KMT2A: variants seen among roughly 807,000 people sequenced by gnomAD.
The protein encoded by KMT2A is histone-lysine N-methyltransferase 2A.
KMT2A carries 16 observed loss-of-function variants against 345.3 expected under a neutral mutation model. That is an observed-to-expected ratio of 0.05 (90% CI 0.03 to 0.07). The LOEUF (loss-of-function observed/expected upper bound fraction) is 0.07, where lower values mean the gene tolerates loss of function less well. Ranked by LOEUF, KMT2A falls within the 10% of genes least tolerant of loss-of-function variation. The probability of loss-of-function intolerance (pLI) is 1.00; values close to 1 mark genes in which losing one functional copy is unlikely to be tolerated. For missense variants in KMT2A, 3,272 were observed against 4,841.6 expected, an observed-to-expected ratio of 0.68 and a Z score of 9.62; for synonymous variants, 1,599 against 1,778.6, an observed-to-expected ratio of 0.90 and a Z score of 2.54.
Position 118,474,044 on chromosome 11 carries a change from T to C in KMT2A, c.2885T>C (p.Ile962Thr), listed in dbSNP as rs541009116. 2.5e-6 allele frequency: 4 copies of C among 1,613,606 alleles called. No homozygotes were observed. The highest frequency in any genetic ancestry group is 2.2e-5 in the East Asian group (1 of 44,898). The part of the protein sequence containing the change: ...DTTAVKTKIL[I>T]KKGRGNLEKT... The stretch of plus-strand genomic sequence containing the variant: ...ACAGCTGTCAAAACCAAAATACTTA[T>C]AAAGAAAGGGAGAGGAAATCTGGAA... The change falls in exon 3 of 36, where the codon ATA (isoleucine) becomes ACA (threonine). Residue 962 changes from isoleucine (I) to threonine (T), a missense_variant. Physicochemically the swap from Ile to Thr is moderately conservative, Grantham distance 89 (BLOSUM62 -1). This residue lies in a region of KMT2A where 209 missense variants were observed against 237.4 expected (regional missense o/e 0.88). Transcript: ENST00000534358.
chr11:118,507,158 T>C (rs555520003), intron 27 of KMT2A, among the ~76,000 whole-genome samples: 2 of 152,250 alleles, frequency 1.3e-5, no homozygotes, highest in Non-Finnish European at 2.9e-5. Context: ...AACAGCTGGG[T>C]GTGGTGTTGC....
chr11:118,442,902 A>G (rs368245102), intron 1 of KMT2A, among the ~76,000 whole-genome samples: 1 of 152,212 alleles, frequency 6.6e-6, no homozygotes, highest in Admixed American at 6.5e-5. Context: ...TTTTATTAAG[A>G]AAAAGGAATC....
chr11:118,519,731 G>A lies in KMT2A; in HGVS notation c.11260G>A (p.Glu3754Lys), dbSNP rs1555052860. 1.2e-6 allele frequency: 2 copies of A among 1,614,050 alleles called. No homozygotes were observed. The highest frequency in any genetic ancestry group is 1.7e-5 in the Admixed American group (1 of 59,998). Reference sequence around the variant, plus strand: ...TTACAAATTCCGTTTCCACAAGCCAGAGGAGGCCAATGAACCCCCCTTGAA... The same window carrying A: ...TTACAAATTCCGTTTCCACAAGCCAAAGGAGGCCAATGAACCCCCCTTGAA... ...RNYKFRFHKP[E>K]EANEPPLNPH... Residue 3754 changes from glutamate to lysine, a missense_variant, in exon 32 of 36, where the codon GAG becomes AAG. By Grantham distance (56) the Glu-to-Lys change is moderately conservative. This residue lies in a region of KMT2A where 72 missense variants were observed against 135.6 expected (regional missense o/e 0.53). Coordinates refer to ENST00000534358, the MANE Select transcript of KMT2A (RefSeq NM_001197104.2).
At chr11:118,474,730 T>A (rs933624773) in intron 3 of KMT2A, among the ~76,000 whole-genome samples, 1 of 152,188 alleles carries the variant, frequency 6.6e-6, no homozygotes, top group Non-Finnish European at 1.5e-5. Flanking sequence ...AGTCAAATTG[T>A]TTTACTATCC....
chr11:118,444,665 C>T (rs186178636), intron 1 of KMT2A, among the ~76,000 whole-genome samples: 1 of 152,268 alleles, frequency 6.6e-6, no homozygotes, highest in Non-Finnish European at 1.5e-5. Flanking sequence ...CCTCAACCTC[C>T]AGGGCTCAAG....
chr11:118,490,331 A>G lies in KMT2A; in HGVS notation c.4696+82A>G. The G allele has an allele frequency of 7.2e-7, 1 of 1,387,518 alleles. No individual in the cohort carries two copies. The highest frequency in any genetic ancestry group is 9.6e-7 in the Non-Finnish European group (1 of 1,047,042). The allele number at this position is 1,387,518 out of a possible 1,614,324, so 86.0% of individuals were successfully genotyped here. On this transcript the variant is annotated intron_variant, in intron 13 of 35. Transcript: ENST00000534358. This position sits in a 1 kb window ranked among gnomAD's most constrained non-coding sequence, Gnocchi z 4.2. ...GTGAACTAGACTCTAGTGAAATGAA[A>G]TAAAAAGTCTCACACATTATGTCAA...
Position 118,504,354 on chromosome 11 carries a change from A to G in KMT2A, c.8462A>G (p.Lys2821Arg). The change falls in exon 27 of 36, where the codon AAA becomes AGA. Residue 2821 changes from lysine to arginine, a missense_variant. By Grantham distance (26) the Lys-to-Arg change is conservative. Transcript: ENST00000534358. This position sits in a 1 kb window ranked among gnomAD's most constrained non-coding sequence, Gnocchi z 6.4. ...RRVHTSTPSD[K>R]NLLDTYNTEL... ...GTCCACACAAGTACCCCCTCCGACA[A>G]AAATTTACTGGACACCTATAATACT... 6.2e-7 allele frequency: 1 copy of G among 1,614,208 alleles called. No individual in the cohort carries two copies. The highest frequency in any genetic ancestry group is 2.2e-5 in the East Asian group (1 of 44,880).
rs1555027539 is a variant in KMT2A, at chr11:118,447,637, A to G, written c.432+10693A>G. The G allele has an allele frequency of 6.6e-6, 3 of 453,104 alleles. No individual in the cohort carries two copies. In the East Asian group the frequency reaches 2.1e-4, roughly 32 times the overall value. 28.1% of individuals were successfully genotyped at this position (453,104 alleles called of 1,614,324 possible). A position where few individuals can be genotyped will look rare whatever the true frequency, so the allele number is the denominator to read the frequency against. On this transcript the variant is annotated intron_variant, in intron 1 of 35. Transcript: ENST00000534358. ...TTTCCATTTCTAGGTTCCTCAACTT[A>G]AAAGGGATGAGGAGACCTTGGAGAC... is the stretch of plus-strand genomic sequence containing the variant.
chr11:118,497,103 C>T lies in KMT2A; in HGVS notation c.5664+736C>T, dbSNP rs1425286496. Reference sequence around the variant, plus strand: ...CACTACAACCTCCGCCTCCTATGTTCAAGCAATTCTCCTGCCTCAGCCTCC... The same window carrying T: ...CACTACAACCTCCGCCTCCTATGTTTAAGCAATTCTCCTGCCTCAGCCTCC... On this transcript the variant is annotated intron_variant, in intron 20 of 35. Coordinates refer to ENST00000534358, the MANE Select transcript of KMT2A (RefSeq NM_001197104.2). The surrounding 1 kb of genome is among the most constrained non-coding windows in gnomAD (Gnocchi z 4.8). Among the ~76,000 whole-genome samples, 1 of 152,072 alleles carries T rather than the reference C, an allele frequency of 6.6e-6. No homozygotes were observed. The highest frequency in any genetic ancestry group is 1.5e-5 in the Non-Finnish European group (1 of 68,006).
rs782109128 is a variant in KMT2A, at chr11:118,505,387, A to C, written c.9495A>C (p.Leu3165Phe). 3.7e-6 allele frequency: 6 copies of C among 1,614,030 alleles called. No individual in the cohort carries two copies. The highest frequency in any genetic ancestry group is 5.1e-6 in the Non-Finnish European group (6 of 1,180,024). ...TACCCATGTCTCATCACCAGCACTT[A>C]CATTCCTTCCCTGCAGCTACTCAAA... Reference protein sequence around the residue: ...GLLPMSHHQHLHSFPAATQSS... With the variant: ...GLLPMSHHQHFHSFPAATQSS... Residue 3165 changes from leucine (L) to phenylalanine (F), a missense_variant, in exon 27 of 36, where the codon TTA becomes TTC. Transcript: ENST00000534358. This position sits in a 1 kb window ranked among gnomAD's most constrained non-coding sequence, Gnocchi z 4.6.
intron 29 of KMT2A, 120 bp downstream of exon 29, chr11:118,509,320 G>C: frequency 2.5e-6 from 2 of 815,764 alleles, no homozygotes; most frequent in Non-Finnish European, 3.8e-6. Context: ...CTCCAAAGAA[G>C]TTAAGTGATT....
intron 2 of KMT2A, among the ~76,000 whole-genome samples, chr11:118,469,959 T>C (rs559359542): frequency 6.6e-6 from 1 of 152,346 alleles, no homozygotes; most frequent in African/African-American, 2.4e-5. Flanking sequence ...TAACATGTGA[T>C]GAAGTCTTAA....
chr11:118,477,960 T>G lies in KMT2A; in HGVS notation c.3335-7T>G, dbSNP rs1211691024. ...CCCTTGGAACTAATGCCACATTTCT[T>G]TAACAGACAAGTCATCAATTGCTGG... On this transcript the variant is annotated splice_region_variant and splice_polypyrimidine_tract_variant and intron_variant, in intron 4 of 35. Transcript: ENST00000534358. 3 of 1,612,858 alleles carry G rather than the reference T, an allele frequency of 1.9e-6. No homozygotes were observed. The African/African-American group carries it at 4.0e-5, about 22-fold the overall frequency.
rs1484680210 is a variant in KMT2A, at chr11:118,517,231, T to TA, written c.11147-2381dup. Among the ~76,000 whole-genome samples, 227 of 151,330 alleles carry TA rather than the reference T, an allele frequency of 1.5e-3. 2 individuals are homozygous for TA. Among genetic ancestry groups the TA allele is most frequent in the African/African-American group, 5.2e-3 (213 of 41,292 alleles). ...TAACACAGTGAAACCCCGTCTCTAC[T>TA]AAAAAATACAAAAAATTAGCCAGGC... On this transcript the variant is annotated intron_variant, in intron 31 of 35. Transcript: ENST00000534358.
Position 118,481,915 on chromosome 11 carries a change from C to A in KMT2A, c.3835C>A (p.Pro1279Thr), listed in dbSNP as rs1555039379. The A allele has an allele frequency of 1.2e-6, 2 of 1,614,054 alleles. No individual in the cohort carries two copies. The highest frequency in any genetic ancestry group is 2.2e-5 in the South Asian group (2 of 91,078). Residue 1279 changes from proline (P) to threonine (T), a missense_variant, in exon 7 of 36, where the codon CCT (proline) becomes ACT (threonine). Around this residue, in one of 27 missense-constraint regions of KMT2A, gnomAD observed 168 missense variants for 216.0 expected, o/e 0.78. Transcript: ENST00000534358. ...GAGTGAAGAAGGGAATGTCTCGGCC[C>A]CTGGGCCTGAATCCAAACAGGCCAC... ...EKSEEGNVSA[P>T]GPESKQATTP...
chr11:118,508,519 T>A (rs1240150948), intron 28 of KMT2A, among the ~76,000 whole-genome samples: 1 of 152,164 alleles, frequency 6.6e-6, no homozygotes, highest in African/African-American at 2.4e-5. Flanking sequence ...GGAGGATTGC[T>A]TGAGCCCAGG....
At chr11:118,467,863 T>C (rs1228239808) in intron 1 of KMT2A, among the ~76,000 whole-genome samples, 2 of 152,204 alleles carry the variant, frequency 1.3e-5, no homozygotes, top group Non-Finnish European at 2.9e-5. Context: ...TTTATGTGGA[T>C]TTTGTTTCTG....
chr11:118,480,270 G>T, intron 6 of KMT2A, 32 bp downstream of exon 6: 2 of 1,572,916 alleles, frequency 1.3e-6, no homozygotes, highest in African/African-American at 1.3e-5. Context: ...TCCCCCAAAT[G>T]CTCCTTGCTT....
intron 31 of KMT2A, among the ~76,000 whole-genome samples, chr11:118,518,037 A>T (rs1469551203): frequency 6.6e-6 from 1 of 152,200 alleles, no homozygotes; most frequent in Non-Finnish European, 1.5e-5. Flanking sequence ...TGCAAACTGT[A>T]TGTCTGTTGG....
Sources: allele counts gnomAD v4.1 joint callset (sites outside exome capture counted in the v4.1 genomes callset), GRCh38; gene constraint gnomAD v4.1.1; regional missense constraint gnomAD v4.1.1; non-coding constraint Gnocchi (gnomAD v3.1); transcripts MANE v1.5; gene names NCBI Gene and HGNC (gene_info 2026-07-23, HGNC 2026-07-21).